Variants in ANKRD30B observed in about 807,000 individuals in gnomAD.
The protein encoded by ANKRD30B is ankyrin repeat domain-containing protein 30B.
In ANKRD30B, 144 loss-of-function variants were observed where a neutral mutation model predicts 202.2. The ratio of observed to expected loss-of-function variants is 0.71; its 90% CI spans 0.62 to 0.82. The LOEUF (loss-of-function observed/expected upper bound fraction) is 0.82, where lower values mean the gene tolerates loss of function less well. ANKRD30B is among the 40% of genes least tolerant of loss of function. ANKRD30B has a pLI of 0.00. For synonymous variants in ANKRD30B, 508 were observed against 561.3 expected (o/e 0.91, Z 1.34); for missense variants, 1,487 against 1,669.1 (o/e 0.89, Z 1.90).
intron 7 of ANKRD30B, among the ~76,000 whole-genome samples, chr18:14,769,018 A>G (rs1916688681): frequency 6.6e-6 from 1 of 152,238 alleles, no homozygotes; most frequent in Non-Finnish European, 1.5e-5. Flanking sequence ...TAATTTTACT[A>G]TAGTCTCAAG....
the ANKRD30B span, among the ~76,000 whole-genome samples, chr18:14,869,441 T>G: frequency 7.9e-5 from 12 of 151,986 alleles, no homozygotes; most frequent in Middle Eastern, 3.4e-3. Flanking sequence ...TCTTTTAAAT[T>G]TAGAAACCCG....
chr18:14,848,970 T>C, intron 40 of ANKRD30B, 41 bp downstream of exon 40: 1 of 1,441,178 alleles, frequency 6.9e-7, no homozygotes, highest in Non-Finnish European at 9.1e-7. Flanking sequence ...CAACTATTTA[T>C]ACTAAAAGTA....
chr18:14,921,875 A>C, the ANKRD30B span, among the ~76,000 whole-genome samples: 1 of 152,164 alleles, frequency 6.6e-6, no homozygotes, highest in Non-Finnish European at 1.5e-5. Flanking sequence ...GATAAGGGAA[A>C]AAGGGGAGAC....
chr18:14,866,330 G>C, the ANKRD30B span, among the ~76,000 whole-genome samples: 55 of 152,246 alleles, frequency 3.6e-4, no homozygotes, highest in African/African-American at 1.3e-3. Flanking sequence ...TGGAGTGTTA[G>C]GAGGGTGGCC....
At chr18:14,751,794 T>A (rs2143632232) in intron 1 of ANKRD30B, among the ~76,000 whole-genome samples, 1 of 152,282 alleles carries the variant, frequency 6.6e-6, no homozygotes, top group African/African-American at 2.4e-5. Flanking sequence ...TGTAGTCCTC[T>A]AAAAAGCTAA....
chr18:14,799,067 A>G, intron 20 of ANKRD30B, 34 bp from the exon 21 acceptor site: 1 of 1,540,148 alleles, frequency 6.5e-7, no homozygotes, highest in African/African-American at 1.4e-5. Context: ...TCAAGCTTGC[A>G]TATAATCAAT....
chr18:14,863,064 G>A, the ANKRD30B span, among the ~76,000 whole-genome samples: 1 of 152,194 alleles, frequency 6.6e-6, no homozygotes, highest in Non-Finnish European at 1.5e-5. Context: ...GTACCTTGAA[G>A]TTCAGATGAG....
chr18:14,754,948 C>A lies in ANKRD30B; in HGVS notation c.560C>A (p.Thr187Asn). 6.4e-7 allele frequency: 1 copy of A among 1,559,622 alleles called. No homozygotes were observed. The highest frequency in any genetic ancestry group is 8.7e-7 in the Non-Finnish European group (1 of 1,151,444). ...GCCATACAGAAAAGAAGCAAGCAAACTGTGGAATTTTTACTAACAAAAAAT... is the reference window on the plus strand; with the variant it reads ...GCCATACAGAAAAGAAGCAAGCAAAATGTGGAATTTTTACTAACAAAAAAT... ...LLAIQKRSKQ[T>N]VEFLLTKNAN... Residue 187 changes from threonine (T) to asparagine (N), a missense_variant, in exon 4 of 44, where the codon ACT becomes AAT. Physicochemically the swap from Thr to Asn is moderately conservative, Grantham distance 65. Coordinates refer to ENST00000690538, the MANE Select transcript of ANKRD30B (RefSeq NM_001367607.2).
downstream of ANKRD30B, among the ~76,000 whole-genome samples, chr18:14,859,418 C>T (rs1233377545): frequency 8.1e-5 from 3 of 36,872 alleles, no homozygotes; most frequent in East Asian, 5.7e-4. Flanking sequence ...CAGAGGCGCT[C>T]CTCACTTCCC....
the ANKRD30B span, among the ~76,000 whole-genome samples, chr18:14,874,046 G>A: frequency 6.6e-6 from 1 of 152,222 alleles, no homozygotes; most frequent in Admixed American, 6.5e-5. Flanking sequence ...TACTTGCTTA[G>A]TCAGTTTCCT....
the ANKRD30B span, among the ~76,000 whole-genome samples, chr18:14,870,049 C>A: frequency 6.6e-6 from 1 of 151,612 alleles, no homozygotes; most frequent in South Asian, 2.1e-4. Flanking sequence ...TTGATCATGC[C>A]GGTCTCGAAC....
intron 37 of ANKRD30B, among the ~76,000 whole-genome samples, chr18:14,841,475 T>A (rs1430356791): frequency 6.6e-6 from 1 of 152,074 alleles, no homozygotes; most frequent in Non-Finnish European, 1.5e-5. Context: ...CATAACAGGG[T>A]CAAGAGAAAG....
At chr18:14,934,368 T>C in the ANKRD30B span, among the ~76,000 whole-genome samples, 5 of 152,170 alleles carry the variant, frequency 3.3e-5, no homozygotes, top group Admixed American at 3.3e-4. Context: ...TGTCCTGACA[T>C]GGACATACTC....
At chr18:14,939,868 C>A in the ANKRD30B span, among the ~76,000 whole-genome samples, 2 of 152,252 alleles carry the variant, frequency 1.3e-5, no homozygotes, top group Non-Finnish European at 2.9e-5. Context: ...TCCAGCGTAA[C>A]TTACAACTCC....
At chr18:14,839,281 G>A (rs1193219649) in intron 36 of ANKRD30B, among the ~76,000 whole-genome samples, 1 of 152,266 alleles carries the variant, frequency 6.6e-6, no homozygotes, top group East Asian at 1.9e-4. Context: ...TAATTAGCAC[G>A]CGTATGGGAG....
At chr18:14,790,586 GT>G (rs1410202383) in intron 15 of ANKRD30B, among the ~76,000 whole-genome samples, 2 of 152,096 alleles carry the variant, frequency 1.3e-5, no homozygotes, top group African/African-American at 4.8e-5. Context: ...TTTATTGAGA[GT>G]TTTTAGCATG....
At chr18:14,789,328 C>T (rs933535286) in intron 15 of ANKRD30B, among the ~76,000 whole-genome samples, 2 of 152,148 alleles carry the variant, frequency 1.3e-5, no homozygotes, top group African/African-American at 2.4e-5. Context: ...AATGTTCTCC[C>T]ATTTTGTAGG....
chr18:14,841,335 T>G (rs1265004363), intron 37 of ANKRD30B, among the ~76,000 whole-genome samples: 1 of 152,188 alleles, frequency 6.6e-6, no homozygotes, highest in Non-Finnish European at 1.5e-5. Flanking sequence ...GACTTGGGAT[T>G]CTGGCATTTT....
In ANKRD30B at chr18:14,842,902, C is replaced by T. The variant is rs1421394740; in HGVS notation, c.3085C>T (p.Pro1029Ser). Reference sequence around the variant, plus strand: ...AAATCTCTTTTGCTTTTTAGAGTCTCCTGAAAAGCCTTCTCACTTTGAGGT... The same window carrying T: ...AAATCTCTTTTGCTTTTTAGAGTCTTCTGAAAAGCCTTCTCACTTTGAGGT... The part of the protein sequence containing the change: ...KTTNGKIEES[P>S]EKPSHFEPAT... Residue 1029 changes from proline (P) to serine (S), a missense_variant, in exon 38 of 44, where the codon CCT (proline) becomes TCT (serine). Pro to Ser is a moderately conservative substitution (Grantham distance 74). Transcript: ENST00000690538. 2 of 1,548,084 alleles carry T rather than the reference C, an allele frequency of 1.3e-6. No homozygotes were observed. The highest frequency in any genetic ancestry group is 8.7e-7 in the Non-Finnish European group (1 of 1,144,780).
Sources: gnomAD v4.1 joint callset for allele counts (sites outside exome capture counted in the v4.1 genomes callset) on GRCh38, gnomAD v4.1.1 for gene constraint, MANE v1.5 for transcripts, NCBI Gene and HGNC (gene_info 2026-07-23, HGNC 2026-07-21) for gene names.